ELMO1: variants seen among roughly 807,000 people sequenced by gnomAD.
ELMO1 encodes the protein engulfment and cell motility protein 1.
Under a neutral mutation model 98.9 loss-of-function variants are expected in ELMO1, and 26 were observed. That is an observed-to-expected ratio of 0.26 (90% CI 0.19 to 0.36). The LOEUF is 0.36. Among genes scored for constraint, ELMO1 ranks in the 10% least tolerant of loss-of-function variants. The pLI is 1.00. For synonymous variants in ELMO1, 346 were observed against 346.0 expected (o/e 1.00, Z 0.00); for missense variants, 627 against 935.2 (o/e 0.67, Z 4.30).
chr7:36,909,563 A>G lies in ELMO1; in HGVS notation c.1438-14546T>C, dbSNP rs536752153. On this transcript the variant is annotated intron_variant, in intron 16 of 21. Transcript: ENST00000310758. ...GAACATGGCATGAACTTGATCATTT[A>G]AATTAATTGGTTCTTTTTTCGTGTG... Among the ~76,000 whole-genome samples the G allele has an allele frequency of 3.1e-4, 47 of 152,370 alleles. No individual in the cohort carries two copies. In the South Asian group the frequency reaches 9.7e-3, roughly 32 times the overall value.
chr7:37,211,365 T>C, intron 13 of ELMO1, 21 bp downstream of exon 13: 1 of 1,613,740 alleles, frequency 6.2e-7, no homozygotes, highest in Non-Finnish European at 8.5e-7. Context: ...GGAGAGCGCA[T>C]ACTGGAGATA....
At chr7:37,099,690 T>A (rs1784538770) in intron 14 of ELMO1, among the ~76,000 whole-genome samples, 1 of 152,232 alleles carries the variant, frequency 6.6e-6, no homozygotes. Flanking sequence ...ACAGAGTATA[T>A]TTATACATTC....
intron 15 of ELMO1, among the ~76,000 whole-genome samples, chr7:37,064,798 C>T (rs918914686): frequency 2.6e-5 from 4 of 152,246 alleles, no homozygotes; most frequent in Middle Eastern, 3.4e-3. Flanking sequence ...CTCTCCTGCA[C>T]GTCTCTCCTG....
chr7:36,961,853 C>T (rs972659790), intron 16 of ELMO1, among the ~76,000 whole-genome samples: 1 of 152,148 alleles, frequency 6.6e-6, no homozygotes, highest in Non-Finnish European at 1.5e-5. Flanking sequence ...TTTAATGTGG[C>T]CAGGCATGTA....
At chr7:37,361,960 A>G (rs1801717581) in intron 1 of ELMO1, among the ~76,000 whole-genome samples, 1 of 152,158 alleles carries the variant, frequency 6.6e-6, no homozygotes, top group African/African-American at 2.4e-5. Context: ...CCAGTCACAC[A>G]CACAAAAAGA....
chr7:36,926,612 T>C (rs1394125737), intron 16 of ELMO1, among the ~76,000 whole-genome samples: 1 of 152,022 alleles, frequency 6.6e-6, no homozygotes, highest in East Asian at 1.9e-4. Flanking sequence ...TTCCCCTTAG[T>C]GTGAGGAGGA....
intron 9 of ELMO1, 136 bp downstream of exon 9, chr7:37,224,743 T>C: frequency 1.6e-6 from 2 of 1,282,014 alleles, no homozygotes; most frequent in South Asian, 1.4e-5. Context: ...TGACACGTGG[T>C]TTGGTTATAT....
intron 2 of ELMO1, among the ~76,000 whole-genome samples, chr7:37,321,716 C>CAAAAAAAAAAAAAAAAAA (rs565421716): frequency 2.9e-4 from 19 of 66,078 alleles, no homozygotes; most frequent in African/African-American, 7.2e-4. Context: ...GACTCCGTCT[C>CAAAAAAAAAAAAAAAAAA]AAAAAAAAAA....
chr7:37,395,907 A>T (rs1803282892), intron 1 of ELMO1, among the ~76,000 whole-genome samples: 2 of 151,496 alleles, frequency 1.3e-5, no homozygotes. Context: ...ATTAACAGTG[A>T]GAAAAAATGC....
At chr7:37,047,385 C>G (rs1007731412) in intron 15 of ELMO1, among the ~76,000 whole-genome samples, 2 of 152,188 alleles carry the variant, frequency 1.3e-5, no homozygotes, top group African/African-American at 2.4e-5. Context: ...ACAGTGGATT[C>G]AGGTTCAAAA....
chr7:37,375,446 G>C, intron 1 of ELMO1: 3 of 640,122 alleles, frequency 4.7e-6, no homozygotes, highest in Non-Finnish European at 8.4e-6. Context: ...AGCAAGGGCA[G>C]TCAGCCCGTG....
intron 13 of ELMO1, among the ~76,000 whole-genome samples, chr7:37,188,254 ACAGAGCCCCAGTCCT>A (rs1370405616): frequency 6.6e-6 from 1 of 152,060 alleles, no homozygotes; most frequent in African/African-American, 2.4e-5. Context: ...GCTGCAGAAA[ACAGAGCCCCAGTCCT>A]TAGGTTCCAA....
chr7:36,955,430 T>G (rs898362163), intron 16 of ELMO1, among the ~76,000 whole-genome samples: 3 of 152,198 alleles, frequency 2.0e-5, no homozygotes, highest in African/African-American at 7.2e-5. Flanking sequence ...TGAACAGGTG[T>G]AAAACCTTCC....
intron 14 of ELMO1, among the ~76,000 whole-genome samples, chr7:37,108,993 A>T (rs1209320495): frequency 6.6e-6 from 1 of 152,178 alleles, no homozygotes; most frequent in Admixed American, 6.5e-5. Flanking sequence ...TCATTTGTGG[A>T]TTTAATCAGA....
At chr7:36,998,893 T>C (rs746774223) in intron 16 of ELMO1, among the ~76,000 whole-genome samples, 16 of 152,138 alleles carry the variant, frequency 1.1e-4, no homozygotes, top group Middle Eastern at 3.2e-3. Flanking sequence ...GAAACCGAGC[T>C]GCAGGGGCAC....
In ELMO1 at chr7:37,166,175, G is replaced by A. The variant is rs534900965; in HGVS notation, c.1087-32941C>T. Among the ~76,000 whole-genome samples the A allele has an allele frequency of 2.2e-4, 34 of 152,218 alleles. 1 individual carries two copies. The East Asian group carries it at 5.6e-3, about 25-fold the overall frequency. The stretch of plus-strand genomic sequence containing the variant: ...TGGTAGTTTGTATTTCTGTGGGATT[G>A]GTGGTGATATCCCCTTTATCATTTT... On this transcript the variant is annotated intron_variant, in intron 13 of 21. Coordinates refer to ENST00000310758, the MANE Select transcript of ELMO1 (RefSeq NM_014800.11).
At chr7:37,044,620 T>C (rs1470446912) in intron 15 of ELMO1, among the ~76,000 whole-genome samples, 1 of 152,198 alleles carries the variant, frequency 6.6e-6, no homozygotes, top group African/African-American at 2.4e-5. Context: ...CTATTCTTAA[T>C]GTCCAAACCT....
chr7:36,878,136 GT>G lies in ELMO1; in HGVS notation c.1715-20del. ...AACTTGTCTGAGAGAAAAAACACAA[GT>G]TTACAAGGTAAGTGATTGTGGTTTA... On this transcript the variant is annotated intron_variant, in intron 18 of 21. Coordinates refer to ENST00000310758, the MANE Select transcript of ELMO1 (RefSeq NM_014800.11). 1 of 1,582,936 alleles carries G rather than the reference GT, an allele frequency of 6.3e-7. No individual in the cohort carries two copies. The highest frequency in any genetic ancestry group is 8.7e-7 in the Non-Finnish European group (1 of 1,152,248).
At chr7:37,254,289 A>T (rs1185540951) in intron 6 of ELMO1, among the ~76,000 whole-genome samples, 1 of 152,236 alleles carries the variant, frequency 6.6e-6, no homozygotes, top group African/African-American at 2.4e-5. Context: ...AAAGTATAAG[A>T]GACAAATGCA....
Sources: allele counts gnomAD v4.1 joint callset (sites outside exome capture counted in the v4.1 genomes callset), GRCh38; gene constraint gnomAD v4.1.1; transcripts MANE v1.5; gene names NCBI Gene and HGNC (gene_info 2026-07-23, HGNC 2026-07-21).